Variants in STAMBP observed in about 807,000 individuals in gnomAD.
The protein encoded by STAMBP is STAM-binding protein.
Under a neutral mutation model 50.7 loss-of-function variants are expected in STAMBP, and 31 were observed. That is an observed-to-expected ratio of 0.61 (90% CI 0.46 to 0.83). The LOEUF is 0.83. STAMBP is among the 40% of genes least tolerant of loss of function. The probability of loss-of-function intolerance (pLI) is 0.00; values close to 1 mark genes in which losing one functional copy is unlikely to be tolerated. For missense variants in STAMBP, 472 were observed against 518.9 expected, an observed-to-expected ratio of 0.91 and a Z score of 0.88; for synonymous variants, 211 against 192.4, an observed-to-expected ratio of 1.10 and a Z score of -0.80.
intron 2 of STAMBP, among the ~76,000 whole-genome samples, chr2:73,844,472 T>G (rs1675817848): frequency 1.3e-5 from 2 of 152,322 alleles, no homozygotes; most frequent in South Asian, 4.1e-4. Context: ...CAGAAGCCCT[T>G]TCCTTTGAAA....
intron 7 of STAMBP, among the ~76,000 whole-genome samples, chr2:73,856,184 A>T (rs1677528861): frequency 6.6e-6 from 1 of 152,256 alleles, no homozygotes; most frequent in Admixed American, 6.5e-5. Context: ...CCTTCCAAAC[A>T]GAATGGTCTC....
chr2:73,850,446 CAG>C lies in STAMBP; in HGVS notation c.942_943del (p.Asn315ArgfsTer63), dbSNP rs1381153614. 1 of 1,613,918 alleles carries C rather than the reference CAG, an allele frequency of 6.2e-7. No individual in the cohort carries two copies. Among genetic ancestry groups the C allele is most frequent in the Non-Finnish European group, 8.5e-7 (1 of 1,179,948 alleles). On this transcript the variant is annotated frameshift_variant, in exon 7 of 10. Transcript: ENST00000394070. LOFTEE classifies it high-confidence loss of function. The surrounding 1 kb of genome is among the most constrained non-coding windows in gnomAD (Gnocchi z 4.3). ...AGTGCTGGGTCTGATTACTGCAACACAGAGAACGAAGAAGAACTTTTCCTCAT... is the reference window on the plus strand; with the variant it reads ...AGTGCTGGGTCTGATTACTGCAACACAGAACGAAGAAGAACTTTTCCTCAT...
intron 2 of STAMBP, among the ~76,000 whole-genome samples, chr2:73,837,273 A>G (rs761550502): frequency 7.9e-5 from 12 of 152,206 alleles, no homozygotes; most frequent in Non-Finnish European, 1.5e-4. Context: ...GCTAGATCCC[A>G]TTATCAAATG....
intron 2 of STAMBP, among the ~76,000 whole-genome samples, chr2:73,837,584 CAAAAAAAA>C (rs56397494): frequency 9.8e-5 from 4 of 40,914 alleles, no homozygotes; most frequent in South Asian, 1.2e-3. Flanking sequence ...GACTCCATCT[CAAAAAAAA>C]AAAAAAAAAA....
intron 2 of STAMBP, among the ~76,000 whole-genome samples, chr2:73,832,323 C>T (rs1265520528): frequency 6.6e-6 from 1 of 151,566 alleles, no homozygotes; most frequent in Non-Finnish European, 1.5e-5. Context: ...GGCATGGTGG[C>T]GTGTGCCTGT....
chr2:73,861,868 T>G (rs1457711000), intron 9 of STAMBP, among the ~76,000 whole-genome samples: 2 of 151,978 alleles, frequency 1.3e-5, no homozygotes, highest in African/African-American at 4.8e-5. Flanking sequence ...CCGGGCACGG[T>G]GGCTCACGCC....
At chr2:73,859,217 C>T in intron 7 of STAMBP, 37 bp from the exon 8 acceptor site, 1 of 1,552,502 alleles carries the variant, frequency 6.4e-7, no homozygotes. Context: ...ACCATATATC[C>T]TCGCTAAGAG....
At chr2:73,844,644 G>C (rs1270952356) in intron 2 of STAMBP, 169 bp from the exon 3 acceptor site, 1 of 494,656 alleles carries the variant, frequency 2.0e-6, no homozygotes, top group Non-Finnish European at 3.6e-6. Context: ...CTCTTTAGGG[G>C]GATAGAGATG....
chr2:73,848,160 C>G (rs1314479788), intron 5 of STAMBP, among the ~76,000 whole-genome samples: 1 of 152,144 alleles, frequency 6.6e-6, no homozygotes, highest in African/African-American at 2.4e-5. Flanking sequence ...TCTTTCCCCT[C>G]CCACTTTTTT....
intron 2 of STAMBP, among the ~76,000 whole-genome samples, chr2:73,840,479 C>CA (rs1323900238): frequency 6.6e-6 from 1 of 151,870 alleles, no homozygotes. Flanking sequence ...TGCGGTGGCT[C>CA]ACGCCTGTAA....
intron 10 of STAMBP, chr2:73,873,239 T>C (rs145481106): frequency 1.1e-4 from 16 of 152,360 alleles, no homozygotes; most frequent in African/African-American, 3.6e-4. Context: ...GACAGTGAGC[T>C]CAGAATCGTA....
At chr2:73,851,617 A>G (rs116995242) in intron 7 of STAMBP, among the ~76,000 whole-genome samples, 13 of 151,656 alleles carry the variant, frequency 8.6e-5, no homozygotes, top group East Asian at 3.9e-4. Flanking sequence ...TTTATGGTTC[A>G]TATCAGGAAA....
rs766580482 is a variant in STAMBP at position 73,847,718 on chromosome 2, C to T, written c.707C>T (p.Ser236Phe). ...RPAKPPVVDR[S>F]LKPGALSNSE... is the part of the protein sequence containing the mutation. ...GCTAAGCCACCTGTGGTGGACAGGT[C>T]CTTGAAACCTGGAGCACTGAGCAAC... The change falls in exon 5 of 10, where the codon TCC becomes TTC. Residue 236 changes from serine (S) to phenylalanine (F), a missense_variant. Coordinates refer to ENST00000394070, the MANE Select transcript of STAMBP (RefSeq NM_213622.4). The T allele has an allele frequency of 5.0e-6, 8 of 1,613,980 alleles. No individual in the cohort carries two copies. In the East Asian group the frequency reaches 1.8e-4, roughly 36 times the overall value.
intron 2 of STAMBP, among the ~76,000 whole-genome samples, chr2:73,841,839 G>C (rs1675427248): frequency 6.6e-6 from 1 of 152,210 alleles, no homozygotes; most frequent in African/African-American, 2.4e-5. Flanking sequence ...GAGTAATGGG[G>C]TATGTTGCCC....
chr2:73,853,678 C>T lies in STAMBP; in HGVS notation c.1005+3165C>T, dbSNP rs186909772. 8.5e-3 allele frequency among the ~76,000 whole-genome samples: 1,288 copies of T among 152,274 alleles called. 5 individuals are homozygous for T. Among genetic ancestry groups the T allele is most frequent in the Non-Finnish European group, 0.014 (954 of 68,018 alleles). On this transcript the variant is annotated intron_variant, in intron 7 of 9. Transcript: ENST00000394070. The stretch of plus-strand genomic sequence containing the variant: ...CGGAGGTTGTGGTGAGCCAAGATTA[C>T]GCCACTGCACTCCAGCCTGGGCAAC...
chr2:73,858,936 T>C (rs1020748770), intron 7 of STAMBP, among the ~76,000 whole-genome samples: 6 of 151,830 alleles, frequency 4.0e-5, no homozygotes, highest in Non-Finnish European at 7.4e-5. Context: ...AATGGATGCC[T>C]GAAATCACAG....
chr2:73,862,659 A>T lies in STAMBP; in HGVS notation c.*400A>T, dbSNP rs1678473237. 6.5e-6 allele frequency: 1 copy of T among 153,974 alleles called. No homozygotes were observed. The highest frequency in any genetic ancestry group is 1.5e-5 in the Non-Finnish European group (1 of 68,940). The allele number at this position is 153,974 out of a possible 1,614,324, so 9.5% of individuals were successfully genotyped here. A position where few individuals can be genotyped will look rare whatever the true frequency, so the allele number is the denominator to read the frequency against. ...GTTTATATTTACCTCTGGGCTCAATAAGGGCATCTGTGCAGAAATTTGGAA... is the reference window on the plus strand; with the variant it reads ...GTTTATATTTACCTCTGGGCTCAATTAGGGCATCTGTGCAGAAATTTGGAA... On this transcript the variant is annotated 3_prime_UTR_variant, in exon 10 of 10. Transcript: ENST00000394070.
At chr2:73,844,377 A>G (rs1303854049) in intron 2 of STAMBP, among the ~76,000 whole-genome samples, 1 of 152,236 alleles carries the variant, frequency 6.6e-6, no homozygotes, top group African/African-American at 2.4e-5. Context: ...AAGGTTACAT[A>G]AGAGCTAGAA....
chr2:73,847,427 A>T lies in STAMBP; in HGVS notation c.416A>T (p.Gln139Leu). 4 of 1,613,152 alleles carry T rather than the reference A, an allele frequency of 2.5e-6. No individual in the cohort carries two copies. Among genetic ancestry groups the T allele is most frequent in the Non-Finnish European group, 3.4e-6 (4 of 1,179,310 alleles). The change falls in exon 5 of 10, where the codon CAG becomes CTG. Residue 139 changes from glutamine (Q) to leucine (L), a missense_variant. By Grantham distance (113) the Gln-to-Leu change is moderately radical (BLOSUM62 -2). Coordinates refer to ENST00000394070, the MANE Select transcript of STAMBP (RefSeq NM_213622.4). The part of the protein sequence containing the change: ...AEELARNMAI[Q>L]QELEKEKQRV... ...GAATTGGCCCGGAACATGGCCATCCAGCAAGAGCTGGAAAAGGAAAAACAG... is the reference window on the plus strand; with the variant it reads ...GAATTGGCCCGGAACATGGCCATCCTGCAAGAGCTGGAAAAGGAAAAACAG...
Sources: gnomAD v4.1 joint callset for allele counts (sites outside exome capture counted in the v4.1 genomes callset) on GRCh38, gnomAD v4.1.1 for gene constraint, Gnocchi (gnomAD v3.1) non-coding constraint, MANE v1.5 for transcripts, NCBI Gene and HGNC (gene_info 2026-07-23, HGNC 2026-07-21) for gene names.